CNTNAP5: variants seen among roughly 807,000 people sequenced by gnomAD.
CNTNAP5 encodes the protein contactin-associated protein-like 5.
CNTNAP5 carries 72 observed loss-of-function variants against 150.2 expected under a neutral mutation model. The observed-to-expected ratio is 0.48, with a 90% CI of 0.40 to 0.58. The LOEUF is 0.58. Ranked by LOEUF, CNTNAP5 falls within the 20% of genes least tolerant of loss-of-function variation. CNTNAP5 has a pLI of 0.00. For synonymous variants in CNTNAP5, 672 were observed against 619.8 expected (o/e 1.08, Z -1.25); for missense variants, 1,636 against 1,626.2 (o/e 1.01, Z -0.10).
chr2:124,254,515 G>A (rs888279269), intron 3 of CNTNAP5, among the ~76,000 whole-genome samples: 1 of 152,118 alleles, frequency 6.6e-6, no homozygotes, highest in African/African-American at 2.4e-5. Context: ...GGTAGACATG[G>A]GTTACTAAGT....
chr2:124,686,740 T>A (rs1057148919), intron 13 of CNTNAP5, among the ~76,000 whole-genome samples: 1 of 151,962 alleles, frequency 6.6e-6, no homozygotes, highest in Non-Finnish European at 1.5e-5. Flanking sequence ...ATATTTGGGG[T>A]GGTTTGTTAT....
At chr2:124,471,301 T>A (rs1693509222) in intron 6 of CNTNAP5, among the ~76,000 whole-genome samples, 1 of 152,294 alleles carries the variant, frequency 6.6e-6, no homozygotes, top group South Asian at 2.1e-4. Flanking sequence ...TTAGCTATAT[T>A]TCTATGTATT....
chr2:124,548,752 C>T (rs1038562248), intron 10 of CNTNAP5, among the ~76,000 whole-genome samples: 7 of 152,198 alleles, frequency 4.6e-5, no homozygotes, highest in African/African-American at 1.4e-4. Context: ...CAGTTACTTA[C>T]ATTTTACAAG....
At chr2:124,123,409 C>T (rs1020251789) in intron 1 of CNTNAP5, among the ~76,000 whole-genome samples, 1 of 152,120 alleles carries the variant, frequency 6.6e-6, no homozygotes, top group Admixed American at 6.5e-5. Context: ...AGCTGGAAAG[C>T]TTGAACTGGG....
chr2:124,061,921 T>C (rs758010610), intron 1 of CNTNAP5, among the ~76,000 whole-genome samples: 26 of 152,116 alleles, frequency 1.7e-4, no homozygotes, highest in Non-Finnish European at 3.2e-4. Flanking sequence ...GATCCTACTA[T>C]CCAATGAGCA....
At chr2:124,563,819 G>A (rs1033793363) in intron 11 of CNTNAP5, among the ~76,000 whole-genome samples, 3 of 152,216 alleles carry the variant, frequency 2.0e-5, no homozygotes, top group African/African-American at 7.2e-5. Flanking sequence ...GATTGCTGTA[G>A]TAAGAGGAAA....
intron 13 of CNTNAP5, among the ~76,000 whole-genome samples, chr2:124,739,233 C>T (rs538344105): frequency 1.3e-5 from 2 of 152,098 alleles, no homozygotes; most frequent in East Asian, 1.9e-4. Context: ...CCTAATGTCA[C>T]GGACTAGCCC....
chr2:124,897,726 C>T (rs766987710), intron 21 of CNTNAP5, among the ~76,000 whole-genome samples: 33 of 151,374 alleles, frequency 2.2e-4, no homozygotes, highest in Admixed American at 7.9e-4. Flanking sequence ...GTGGAGGGGG[C>T]CTATGGCCAT....
intron 3 of CNTNAP5, among the ~76,000 whole-genome samples, chr2:124,312,502 T>TTACAGGTG (rs1225085470): frequency 1.3e-5 from 2 of 150,948 alleles, no homozygotes; most frequent in Non-Finnish European, 2.9e-5. Flanking sequence ...GTAGCTGGGA[T>TTACAGGTG]TACAGGTGCA....
intron 11 of CNTNAP5, among the ~76,000 whole-genome samples, chr2:124,587,336 G>A (rs1319981455): frequency 6.6e-6 from 1 of 152,112 alleles, no homozygotes; most frequent in Non-Finnish European, 1.5e-5. Flanking sequence ...AATGACAGAT[G>A]CATTTAAGGC....
intron 1 of CNTNAP5, among the ~76,000 whole-genome samples, chr2:124,085,725 AT>A (rs1256335610): frequency 6.6e-6 from 1 of 152,106 alleles, no homozygotes; most frequent in Non-Finnish European, 1.5e-5. Flanking sequence ...AGTTTGATGT[AT>A]TTTTTATTAC....
chr2:124,535,919 C>G lies in CNTNAP5; in HGVS notation c.1649+8463C>G, dbSNP rs529457015. Among the ~76,000 whole-genome samples the G allele has an allele frequency of 3.0e-4, 45 of 152,302 alleles. No homozygotes were observed. In the South Asian group the frequency reaches 9.1e-3, roughly 31 times the overall value. On this transcript the variant is annotated intron_variant, in intron 10 of 23. Coordinates refer to ENST00000682447, the MANE Select transcript of CNTNAP5 (RefSeq NM_001367498.1). ...GGCAAGCATTATGTTGGATTACCTC[C>G]CATAAACAGACTCTTGCTAAAAACC...
chr2:124,575,997 T>G (rs926102348), intron 11 of CNTNAP5, among the ~76,000 whole-genome samples: 1 of 152,190 alleles, frequency 6.6e-6, no homozygotes, highest in Admixed American at 6.5e-5. Context: ...ATCCTGCTTT[T>G]TATTTAAAGA....
At chr2:124,348,669 C>T (rs1434820779) in intron 3 of CNTNAP5, among the ~76,000 whole-genome samples, 3 of 151,950 alleles carry the variant, frequency 2.0e-5, no homozygotes, top group Non-Finnish European at 4.4e-5. Context: ...GGCACATAAC[C>T]GAAGGAAGAT....
chr2:124,699,594 C>T lies in CNTNAP5; in HGVS notation c.2078-47635C>T, dbSNP rs150787042. ...ATGTGCCACCACCCACCAACCTCTC[C>T]CTTGGCTGTCCCTCACTGCTTCAGT... On this transcript the variant is annotated intron_variant, in intron 13 of 23. Coordinates refer to ENST00000682447, the MANE Select transcript of CNTNAP5 (RefSeq NM_001367498.1). Among the ~76,000 whole-genome samples, 241 of 152,244 alleles carry T rather than the reference C, an allele frequency of 1.6e-3. 2 individuals are homozygous for T. Among genetic ancestry groups the T allele is most frequent in the African/African-American group, 5.5e-3 (227 of 41,534 alleles).
intron 20 of CNTNAP5, among the ~76,000 whole-genome samples, chr2:124,867,464 T>C (rs898448608): frequency 6.6e-6 from 1 of 152,228 alleles, no homozygotes; most frequent in Non-Finnish European, 1.5e-5. Flanking sequence ...CAAAATCCAG[T>C]GGTCATGTCT....
In CNTNAP5 at chr2:124,784,832, T is replaced by G. The variant is rs890466057; in HGVS notation, c.2753-5070T>G. 3.9e-5 allele frequency among the ~76,000 whole-genome samples: 6 copies of G among 152,166 alleles called. 1 individual carries two copies. In the South Asian group the frequency reaches 1.2e-3, roughly 32 times the overall value. On this transcript the variant is annotated intron_variant, in intron 17 of 23. Coordinates refer to ENST00000682447, the MANE Select transcript of CNTNAP5 (RefSeq NM_001367498.1). ...ATTCCCCACTCTGGCCAAAGCAATC[T>G]CTGATGTTAAGTTTTCTTAGGCAAT...
chr2:124,238,247 C>T (rs1686801946), intron 2 of CNTNAP5, among the ~76,000 whole-genome samples: 1 of 152,030 alleles, frequency 6.6e-6, no homozygotes, highest in African/African-American at 2.4e-5. Flanking sequence ...GGAGCTCCTG[C>T]ATTGCTACTT....
intron 1 of CNTNAP5, among the ~76,000 whole-genome samples, chr2:124,026,609 T>G (rs1341146048): frequency 2.0e-5 from 3 of 152,186 alleles, no homozygotes; most frequent in African/African-American, 7.2e-5. Context: ...AAGGGAAGTT[T>G]TTCCAGCTCT....
Sources: allele counts gnomAD v4.1 joint callset (sites outside exome capture counted in the v4.1 genomes callset), GRCh38; gene constraint gnomAD v4.1.1; transcripts MANE v1.5; gene names NCBI Gene and HGNC (gene_info 2026-07-23, HGNC 2026-07-21).